The following YTHDC2 variants were observed in gnomAD, a reference collection of about 807,000 sequenced individuals.
YTHDC2 encodes 3'-5' RNA helicase YTHDC2.
YTHDC2 carries 45 observed loss-of-function variants against 174.9 expected under a neutral mutation model. The ratio of observed to expected loss-of-function variants is 0.26; its 90% CI spans 0.20 to 0.33. YTHDC2 has a LOEUF of 0.33. Among genes scored for constraint, YTHDC2 ranks in the 10% least tolerant of loss-of-function variants. The probability of loss-of-function intolerance (pLI) is 1.00; values close to 1 mark genes in which losing one functional copy is unlikely to be tolerated. For synonymous variants in YTHDC2, 657 were observed against 574.5 expected (o/e 1.14, Z -2.05); for missense variants, 1,650 against 1,723.7 (o/e 0.96, Z 0.76).
At chr5:113,550,704 C>T (rs1034930489) in intron 12 of YTHDC2, among the ~76,000 whole-genome samples, 28 of 152,064 alleles carry the variant, frequency 1.8e-4, no homozygotes, top group African/African-American at 6.5e-4. Context: ...TAGTCCTAAG[C>T]AGTGTGACTA....
chr5:113,576,071 T>C (rs942790872), intron 23 of YTHDC2, among the ~76,000 whole-genome samples: 4 of 148,586 alleles, frequency 2.7e-5, no homozygotes, highest in Non-Finnish European at 6.0e-5. Context: ...TTTAGACATG[T>C]TAAGTTTGAG....
At chr5:113,514,263 G>C in intron 1 of YTHDC2, 181 bp downstream of exon 1, 1 of 757,654 alleles carries the variant, frequency 1.3e-6, no homozygotes, top group South Asian at 1.5e-5. Context: ...TTGGCCCTGC[G>C]GTGGAATGCG....
chr5:113,517,683 G>C (rs79674506), intron 2 of YTHDC2: 1 of 410,922 alleles, frequency 2.4e-6, no homozygotes, highest in African/African-American at 2.1e-5. Flanking sequence ...AAATACCCTA[G>C]CTCCTTCTCT....
In YTHDC2 at chr5:113,584,420, A is replaced by G. The variant is rs1050951143; in HGVS notation, c.3766A>G (p.Thr1256Ala). ...ATCAGATCAGTCTTCTCTGAAATCT[A>G]CAGACAGCAGTAGTTACCCAAGTCC... Reference protein sequence around the residue: ...DRSDQSSLKSTDSSSYPSPCA... With the variant: ...DRSDQSSLKSADSSSYPSPCA... The change falls in exon 26 of 30, where the codon ACA (threonine) becomes GCA (alanine). Residue 1256 changes from threonine (T) to alanine (A), a missense_variant. By Grantham distance (58) the Thr-to-Ala change is moderately conservative (BLOSUM62 0). Transcript: ENST00000161863. 6 of 1,613,840 alleles carry G rather than the reference A, an allele frequency of 3.7e-6. No homozygotes were observed. The highest frequency in any genetic ancestry group is 1.7e-4 in the Middle Eastern group (1 of 6,056).
At chr5:113,516,592 T>A (rs767193964) in intron 2 of YTHDC2, among the ~76,000 whole-genome samples, 1 of 152,138 alleles carries the variant, frequency 6.6e-6, no homozygotes, top group Non-Finnish European at 1.5e-5. Flanking sequence ...TACATGCCAC[T>A]AACACTCCTA....
chr5:113,567,418 ATATATATATC>A, intron 22 of YTHDC2, 121 bp downstream of exon 22: 1 of 363,930 alleles, frequency 2.7e-6, no homozygotes, highest in Non-Finnish European at 4.2e-6. Flanking sequence ...ATATATATAT[ATATATATATC>A]ATTAAATATT....
chr5:113,563,605 C>A, intron 19 of YTHDC2, 113 bp downstream of exon 19: 1 of 1,169,142 alleles, frequency 8.6e-7, no homozygotes, highest in Non-Finnish European at 1.2e-6. Flanking sequence ...TGTCCTCCTG[C>A]ATGTGTCCAG....
At chr5:113,522,519 G>T (rs1241675916) in intron 2 of YTHDC2, among the ~76,000 whole-genome samples, 1 of 152,040 alleles carries the variant, frequency 6.6e-6, no homozygotes, top group Admixed American at 6.5e-5. Context: ...TGCATATGGG[G>T]TTTACCTTTT....
chr5:113,517,442 C>T (rs1244181923), intron 2 of YTHDC2: 1 of 406,992 alleles, frequency 2.5e-6, no homozygotes, highest in Non-Finnish European at 4.9e-6. Context: ...AGTAGACTTC[C>T]TGTCCTTCTC....
intron 16 of YTHDC2, among the ~76,000 whole-genome samples, chr5:113,554,842 G>A (rs1488089128): frequency 6.6e-6 from 1 of 151,892 alleles, no homozygotes; most frequent in African/African-American, 2.4e-5. Context: ...AAAAATGAAA[G>A]TGGTAAAGAT....
At position 113,539,096 on chromosome 5, in the gene YTHDC2, A is replaced by T; in HGVS notation, c.1125A>T (p.Val375=). The T allele has an allele frequency of 1.4e-6, 2 of 1,423,656 alleles. No individual in the cohort carries two copies. The highest frequency in any genetic ancestry group is 2.9e-5 in the South Asian group (2 of 69,206). 88.2% of individuals were successfully genotyped at this position (1,423,656 alleles called of 1,614,324 possible). Residue 375 remains valine, a synonymous_variant, in exon 8 of 30, where the codon GTA becomes GTT. Coordinates refer to ENST00000161863, the MANE Select transcript of YTHDC2 (RefSeq NM_022828.5). The part of the protein sequence containing the change: ...VIYIQGRPFE[V]KEMFLEDILR... ...TAGTACAGGGAAGACCATTTGAAGT[A>T]AAAGAAATGTTTCTGGAAGATATTT... is the stretch of plus-strand genomic sequence containing the variant.
rs765667483 is a variant in YTHDC2 at position 113,561,081 on chromosome 5, G to T, written c.2218G>T (p.Ala740Ser). 6.2e-7 allele frequency: 1 copy of T among 1,601,818 alleles called. No individual in the cohort carries two copies. The highest frequency in any genetic ancestry group is 1.1e-5 in the South Asian group (1 of 88,286). The part of the protein sequence containing the change: ...KASAIQRKGR[A>S]GRCRPGICFR... Reference sequence around the variant, plus strand: ...CTAATCTTGTACTTTATTTTTAAGGGCAGGGCGATGTAGACCTGGAATTTG... The same window carrying T: ...CTAATCTTGTACTTTATTTTTAAGGTCAGGGCGATGTAGACCTGGAATTTG... Residue 740 changes from alanine (A) to serine (S), a missense_variant and splice_region_variant, in exon 18 of 30, where the codon GCA becomes TCA. By Grantham distance (99) the Ala-to-Ser change is moderately conservative. Around this residue, in one of 5 missense-constraint regions of YTHDC2, gnomAD observed 913 missense variants for 940.4 expected, o/e 0.97. Transcript: ENST00000161863.
chr5:113,518,597 G>C (rs1178666269), intron 2 of YTHDC2, among the ~76,000 whole-genome samples: 1 of 142,548 alleles, frequency 7.0e-6, no homozygotes, highest in East Asian at 2.0e-4. Flanking sequence ...GTGTGTGTGT[G>C]TGTATCTGTA....
At chr5:113,554,941 A>T (rs1040465401) in intron 16 of YTHDC2, among the ~76,000 whole-genome samples, 1 of 152,020 alleles carries the variant, frequency 6.6e-6, no homozygotes, top group Non-Finnish European at 1.5e-5. Context: ...TTTTAATGTG[A>T]AAAAAGTAAT....
rs1324692464 is a variant in YTHDC2 at position 113,534,289 on chromosome 5, G to C, written c.843-16G>C. 6.3e-7 allele frequency: 1 copy of C among 1,596,958 alleles called. No homozygotes were observed. Among genetic ancestry groups the C allele is most frequent in the Non-Finnish European group, 8.6e-7 (1 of 1,167,140 alleles). On this transcript the variant is annotated splice_polypyrimidine_tract_variant and intron_variant, in intron 5 of 29. Transcript: ENST00000161863. ...AACTTGCAATTGTGCACTTTGTTTT[G>C]CTTTTTTTTTAAAAGGGTTTCTCCA...
chr5:113,592,190 C>CTTT lies in YTHDC2; in HGVS notation c.4212+12_4212+13insTTT. The CTTT allele has an allele frequency of 6.8e-7, 1 of 1,479,790 alleles. No homozygotes were observed. The highest frequency in any genetic ancestry group is 2.2e-5 in the African/African-American group (1 of 44,914). 91.7% of individuals were successfully genotyped at this position (1,479,790 alleles called of 1,614,324 possible). On this transcript the variant is annotated intron_variant, in intron 28 of 29. Coordinates refer to ENST00000161863, the MANE Select transcript of YTHDC2 (RefSeq NM_022828.5). ...GCAGGGATGGGCAGGTATACAATGG[C>CTTT]ATTTTTTTTTTTATTTACTTTTGTT...
At chr5:113,564,356 G>T (rs558980510) in intron 20 of YTHDC2, among the ~76,000 whole-genome samples, 24 of 152,098 alleles carry the variant, frequency 1.6e-4, no homozygotes, top group African/African-American at 4.6e-4. Flanking sequence ...GAATATATGT[G>T]TGTATTTGTA....
chr5:113,546,217 T>G (rs1161179214), intron 10 of YTHDC2, among the ~76,000 whole-genome samples: 3 of 152,238 alleles, frequency 2.0e-5, no homozygotes. Context: ...TTTAAAATAT[T>G]TATGATGCAT....
chr5:113,576,837 A>AT (rs11386921), intron 23 of YTHDC2, among the ~76,000 whole-genome samples: 51,018 of 151,928 alleles, frequency 0.34, 11,064 homozygotes, highest in African/African-American at 0.6. Flanking sequence ...TTTTGGTGTT[A>AT]GTATTTTGAG....
Sources: gnomAD v4.1 joint callset for allele counts (sites outside exome capture counted in the v4.1 genomes callset) on GRCh38, gnomAD v4.1.1 for gene constraint, gnomAD v4.1.1 regional missense constraint, MANE v1.5 for transcripts, NCBI Gene and HGNC (gene_info 2026-07-23, HGNC 2026-07-21) for gene names.